SAMD12: variants seen among roughly 807,000 people sequenced by gnomAD.
The protein encoded by SAMD12 is sterile alpha motif domain containing 12, also known as sterile alpha motif domain-containing protein 12.
Under a neutral mutation model 15.0 loss-of-function variants are expected in SAMD12, and 9 were observed. The observed-to-expected ratio is 0.60, with a 90% CI of 0.36 to 1.05. SAMD12 has a LOEUF of 1.05. Ranked by LOEUF, SAMD12 falls within the 50% of genes least tolerant of loss-of-function variation. The pLI, the probability that SAMD12 is intolerant of heterozygous loss-of-function variation, is 0.01. For synonymous variants in SAMD12, 86 were observed against 90.1 expected, an observed-to-expected ratio of 0.96 and a Z score of 0.25; for missense variants, 230 against 234.2, an observed-to-expected ratio of 0.98 and a Z score of 0.12.
At chr8:118,327,433 G>A (rs953589685) in intron 4 of SAMD12, among the ~76,000 whole-genome samples, 1 of 152,068 alleles carries the variant, frequency 6.6e-6, no homozygotes, top group Non-Finnish European at 1.5e-5. Context: ...GTATCCCCAT[G>A]CCATAGATAC....
intron 2 of SAMD12, among the ~76,000 whole-genome samples, chr8:118,540,516 G>A (rs12548521): frequency 0.43 from 64,722 of 151,820 alleles, 14,148 homozygotes; most frequent in Non-Finnish European, 0.48. Flanking sequence ...GGGGTGTGTT[G>A]GCTATGTGAA....
At chr8:118,227,003 G>A (rs1812203076) in intron 4 of SAMD12, among the ~76,000 whole-genome samples, 1 of 152,138 alleles carries the variant, frequency 6.6e-6, no homozygotes, top group African/African-American at 2.4e-5. Context: ...CAACCTAGCA[G>A]TCCAATTACT....
intron 4 of SAMD12, among the ~76,000 whole-genome samples, chr8:118,348,837 A>G (rs1424096583): frequency 6.6e-6 from 1 of 152,230 alleles, no homozygotes; most frequent in East Asian, 1.9e-4. Context: ...GAACCAGAAC[A>G]GTCCCAAGTG....
chr8:118,368,423 A>C (rs1386301853), intron 4 of SAMD12, among the ~76,000 whole-genome samples: 1 of 152,180 alleles, frequency 6.6e-6, no homozygotes, highest in Non-Finnish European at 1.5e-5. Context: ...CTTAACAATC[A>C]CTGGAGAGTG....
chr8:118,432,878 C>A (rs746130227), intron 3 of SAMD12, among the ~76,000 whole-genome samples: 4 of 152,084 alleles, frequency 2.6e-5, no homozygotes, highest in African/African-American at 4.8e-5. Context: ...TGACAACAAC[C>A]ACCATTACCA....
In SAMD12 at chr8:118,580,906, A is replaced by G; in HGVS notation, c.14-13T>C. ...CCACAGTGGAGAGCTAGGAAAAAGC[A>G]ACAAATAGAACTCAGAAAACAAACC... is the stretch of plus-strand genomic sequence containing the variant. On this transcript the variant is annotated splice_polypyrimidine_tract_variant and intron_variant, in intron 1 of 3. Transcript: ENST00000314727. The G allele has an allele frequency of 6.3e-7, 1 of 1,591,720 alleles. No individual in the cohort carries two copies. Among genetic ancestry groups the G allele is most frequent in the Non-Finnish European group, 8.6e-7 (1 of 1,169,316 alleles).
intron 4 of SAMD12, chr8:118,197,767 C>A (rs755413175): frequency 5.6e-6 from 9 of 1,600,700 alleles, no homozygotes; most frequent in African/African-American, 4.0e-5. Context: ...ATGGTAAGTT[C>A]TTTCCTTTAT....
intron 4 of SAMD12, among the ~76,000 whole-genome samples, chr8:118,305,970 A>C (rs1030583865): frequency 4.6e-5 from 7 of 152,126 alleles, no homozygotes; most frequent in African/African-American, 1.7e-4. Context: ...TCCTGGTTCC[A>C]GCTCCTACTA....
chr8:118,577,987 G>A (rs10112036), intron 2 of SAMD12, among the ~76,000 whole-genome samples: 2 of 152,118 alleles, frequency 1.3e-5, no homozygotes, highest in South Asian at 2.1e-4. Context: ...AAGCAAAGCA[G>A]TACAGAAAGT....
intron 4 of SAMD12, among the ~76,000 whole-genome samples, chr8:118,327,382 C>T (rs1816616068): frequency 6.6e-6 from 1 of 152,162 alleles, no homozygotes; most frequent in African/African-American, 2.4e-5. Context: ...GAAAATCTGA[C>T]TCATCTGTCT....
In SAMD12 at chr8:118,197,682, G is replaced by C. The variant is rs372392504; in HGVS notation, c.*28C>G. The C allele has an allele frequency of 3.1e-6, 5 of 1,603,704 alleles. No homozygotes were observed. In the African/African-American group the frequency reaches 6.7e-5, roughly 21 times the overall value. On this transcript the variant is annotated 3_prime_UTR_variant, in exon 5 of 5. Transcript: ENST00000409003. ...CAGGCCATGTTCATATCAACTGGCA[G>C]GACAGCAGCTTGGAAGGCTAACCGT...
chr8:118,368,109 A>T (rs1818890722), intron 4 of SAMD12, among the ~76,000 whole-genome samples: 1 of 152,180 alleles, frequency 6.6e-6, no homozygotes. Flanking sequence ...AATTTCTCTG[A>T]TGGCTTAAAG....
chr8:118,224,901 T>G (rs1812154798), intron 4 of SAMD12, among the ~76,000 whole-genome samples: 1 of 152,234 alleles, frequency 6.6e-6, no homozygotes. Context: ...TGATGTAACT[T>G]ATTGTTGAGC....
At chr8:118,303,888 G>A (rs1230350404) in intron 4 of SAMD12, among the ~76,000 whole-genome samples, 2 of 152,192 alleles carry the variant, frequency 1.3e-5, no homozygotes, top group Non-Finnish European at 2.9e-5. Flanking sequence ...TCTTAGCCAA[G>A]CAGGCAATGA....
intron 1 of SAMD12, among the ~76,000 whole-genome samples, chr8:118,592,096 T>C (rs145380699): frequency 0.02 from 3,050 of 152,100 alleles, 91 homozygotes; most frequent in African/African-American, 0.067. Flanking sequence ...CCAAGGTGGG[T>C]GGATCACCTG....
At chr8:118,442,233 T>A (rs1822785643) in intron 2 of SAMD12, among the ~76,000 whole-genome samples, 1 of 152,156 alleles carries the variant, frequency 6.6e-6, no homozygotes, top group South Asian at 2.1e-4. Context: ...TTCCCCAGAG[T>A]GTCTTGTTTT....
At chr8:118,389,831 CTTTTAT>C (rs1820172297) in intron 3 of SAMD12, among the ~76,000 whole-genome samples, 1 of 152,038 alleles carries the variant, frequency 6.6e-6, no homozygotes, top group Non-Finnish European at 1.5e-5. Context: ...ATTGCTACTT[CTTTTAT>C]TTTTAAGTTA....
intron 4 of SAMD12, among the ~76,000 whole-genome samples, chr8:118,205,179 A>G (rs774720085): frequency 6.6e-6 from 1 of 152,208 alleles, no homozygotes; most frequent in Admixed American, 6.5e-5. Flanking sequence ...TTCAGACTGG[A>G]ACCATACCGT....
chr8:118,491,211 T>C (rs1824432906), intron 2 of SAMD12, among the ~76,000 whole-genome samples: 1 of 152,184 alleles, frequency 6.6e-6, no homozygotes, highest in South Asian at 2.1e-4. Flanking sequence ...TCCAAATCCT[T>C]AGGAAACTTT....
Sources: allele counts gnomAD v4.1 joint callset (sites outside exome capture counted in the v4.1 genomes callset), GRCh38; gene constraint gnomAD v4.1.1; transcripts MANE v1.5; gene names NCBI Gene and HGNC (gene_info 2026-07-23, HGNC 2026-07-21).